Variants in C19orf12 observed in about 807,000 individuals in gnomAD.
The protein encoded by C19orf12 is chromosome 19 open reading frame 12.
A neutral mutation model predicts 3.8 loss-of-function variants in C19orf12; 2 were observed. The observed-to-expected ratio is 0.53, with a 90% CI of 0.22 to 1.66. The LOEUF (loss-of-function observed/expected upper bound fraction) is 1.66, where lower values mean the gene tolerates loss of function less well. Among genes scored for constraint, C19orf12 ranks in the 40% most tolerant of loss-of-function variants. C19orf12 has a pLI of 0.20. For synonymous variants in C19orf12, 89 were observed against 84.6 expected, an observed-to-expected ratio of 1.05 and a Z score of -0.28; for missense variants, 156 against 188.8, an observed-to-expected ratio of 0.83 and a Z score of 1.02.
At chr19:29,703,113 C>T (rs1972203194) in intron 2 of C19orf12, 136 bp from the exon 3 acceptor site, 1 of 1,160,640 alleles carries the variant, frequency 8.6e-7, no homozygotes, top group Non-Finnish European at 1.3e-6. Flanking sequence ...TCAGCCGGTG[C>T]CACGCCTGCT....
In C19orf12 at chr19:29,715,230, G is replaced by C; in HGVS notation, c.-116C>G. Reference sequence around the variant, plus strand: ...GCCCAGCTCCCCAGCCCCGCGGAGGGTCGCGCAGGCCTTGGTGGCGGCCCC... The same window carrying C: ...GCCCAGCTCCCCAGCCCCGCGGAGGCTCGCGCAGGCCTTGGTGGCGGCCCC... On this transcript the variant is annotated 5_prime_UTR_variant, in exon 1 of 3. Coordinates refer to ENST00000323670, the MANE Select transcript of C19orf12 (RefSeq NM_031448.6). 2.3e-6 allele frequency: 1 copy of C among 433,276 alleles called. No homozygotes were observed. Among genetic ancestry groups the C allele is most frequent in the Admixed American group, 3.7e-5 (1 of 27,066 alleles). 26.8% of individuals were successfully genotyped at this position (433,276 alleles called of 1,614,324 possible). A position where few individuals can be genotyped will look rare whatever the true frequency, so the allele number is the denominator to read the frequency against.
In C19orf12 at chr19:29,708,376, C is replaced by T; in HGVS notation, c.38G>A (p.Cys13Tyr). The change falls in exon 2 of 3, where the codon TGC becomes TAC. Residue 13 changes from cysteine (C) to tyrosine (Y), a missense_variant. Coordinates refer to ENST00000323670, the MANE Select transcript of C19orf12 (RefSeq NM_031448.6). The stretch of plus-strand genomic sequence containing the variant: ...CATCTTCCTCTCCCCAGAAAGGGAG[C>T]ACAGCAGCTTCATGATGTCCTCCAC... ...IMVEDIMKLLCSLSGERKMKA... is the reference protein window; with the variant it reads ...IMVEDIMKLLYSLSGERKMKA... 5.0e-6 allele frequency: 8 copies of T among 1,614,154 alleles called. No individual in the cohort carries two copies. Among genetic ancestry groups the T allele is most frequent in the Non-Finnish European group, 6.8e-6 (8 of 1,180,034 alleles).
At chr19:29,715,013 G>T (rs756299196) in intron 1 of C19orf12, 112 bp downstream of exon 1, 3 of 707,658 alleles carry the variant, frequency 4.2e-6, no homozygotes, top group Non-Finnish European at 7.9e-6. Context: ...GCAGGGCGGG[G>T]ACCCTCTCCC....
chr19:29,709,871 T>C (rs1013291538), intron 1 of C19orf12, among the ~76,000 whole-genome samples: 3 of 151,918 alleles, frequency 2.0e-5, no homozygotes, highest in Non-Finnish European at 4.4e-5. Context: ...TTTTTTTGTT[T>C]TGTTTGTTCG....
intron 2 of C19orf12, among the ~76,000 whole-genome samples, chr19:29,705,918 C>A (rs533819399): frequency 3.3e-4 from 51 of 152,332 alleles, no homozygotes; most frequent in Admixed American, 1.8e-3. Flanking sequence ...ATCTTCACGA[C>A]TTCTCTGTAA....
intron 1 of C19orf12, among the ~76,000 whole-genome samples, chr19:29,712,727 T>C (rs2145654113): frequency 6.6e-6 from 1 of 152,324 alleles, no homozygotes; most frequent in African/African-American, 2.4e-5. Context: ...GACCCCTCTC[T>C]GATCCAGAGA....
chr19:29,710,824 C>A (rs1190343673), intron 1 of C19orf12, among the ~76,000 whole-genome samples: 1 of 152,142 alleles, frequency 6.6e-6, no homozygotes, highest in African/African-American at 2.4e-5. Flanking sequence ...CAGAAGAGAA[C>A]CCCCTTCCAC....
Position 29,701,857 on chromosome 19 carries a change from C to T in C19orf12, c.*855G>A, listed in dbSNP as rs921040306. 17 of 453,992 alleles carry T rather than the reference C, an allele frequency of 3.7e-5. No individual in the cohort carries two copies. The highest frequency in any genetic ancestry group is 2.6e-4 in the African/African-American group (13 of 50,006). The allele number at this position is 453,992 out of a possible 1,614,324, so 28.1% of individuals were successfully genotyped here. A position where few individuals can be genotyped will look rare whatever the true frequency, so the allele number is the denominator to read the frequency against. ...ATTTGTTAGACATAATGCTATTGCACATTTAGTGGACTGCAATATGCAGTA... is the reference window on the plus strand; with the variant it reads ...ATTTGTTAGACATAATGCTATTGCATATTTAGTGGACTGCAATATGCAGTA... On this transcript the variant is annotated 3_prime_UTR_variant, in exon 3 of 3. Transcript: ENST00000323670.
At position 29,701,684 on chromosome 19, in the gene C19orf12, A is replaced by AAT. The variant is rs1251406619; in HGVS notation, c.*1026_*1027dup. On this transcript the variant is annotated 3_prime_UTR_variant, in exon 3 of 3. Transcript: ENST00000323670. ...ATACCTCATTCTACTATGCTTTGTG[A>AAT]ATACTGTGTTTTTTTTTTAAATTGA... is the stretch of plus-strand genomic sequence containing the variant. 4.6e-5 allele frequency: 21 copies of AAT among 452,874 alleles called. No individual in the cohort carries two copies. The East Asian group carries it at 1.4e-3, about 30-fold the overall frequency. The allele number at this position is 452,874 out of a possible 1,614,324, so 28.1% of individuals were successfully genotyped here.
chr19:29,714,148 G>A (rs552785149), intron 1 of C19orf12, among the ~76,000 whole-genome samples: 2 of 151,966 alleles, frequency 1.3e-5, no homozygotes, highest in Admixed American at 6.6e-5. Context: ...TCGGCCTCCC[G>A]AGTAGCTGGA....
Position 29,715,171 on chromosome 19 carries a change from C to A in C19orf12, c.-57G>T. On this transcript the variant is annotated 5_prime_UTR_variant, in exon 1 of 3. Transcript: ENST00000323670. ...CGGCGCGCTCGGCGATCAGACGCGG[C>A]TGCAGCCCGGGCCTGGCAGGCCCCG... 1 of 552,292 alleles carries A rather than the reference C, an allele frequency of 1.8e-6. No individual in the cohort carries two copies. The highest frequency in any genetic ancestry group is 1.8e-5 in the South Asian group (1 of 55,076). 34.2% of individuals were successfully genotyped at this position (552,292 alleles called of 1,614,324 possible).
intron 2 of C19orf12, 125 bp from the exon 3 acceptor site, chr19:29,703,102 C>A: frequency 7.6e-7 from 1 of 1,316,500 alleles, no homozygotes; most frequent in Non-Finnish European, 1.1e-6. Context: ...CTGCAGCGGG[C>A]TCAGCCGGTG....
chr19:29,705,402 C>CAAAG (rs1972321246), intron 2 of C19orf12: 1 of 105,334 alleles, frequency 9.5e-6, no homozygotes, highest in Non-Finnish European at 1.9e-5. Flanking sequence ...ATCCTGAAAC[C>CAAAG]AAAAAAAAAA....
Position 29,699,741 on chromosome 19 carries a change from G to C in C19orf12, c.*2971C>G, listed in dbSNP as rs952021115. 1 of 453,902 alleles carries C rather than the reference G, an allele frequency of 2.2e-6. No homozygotes were observed. The highest frequency in any genetic ancestry group is 6.9e-5 in the East Asian group (1 of 14,396). The allele number at this position is 453,902 out of a possible 1,614,324, so 28.1% of individuals were successfully genotyped here. A position where few individuals can be genotyped will look rare whatever the true frequency, so the allele number is the denominator to read the frequency against. Reference sequence around the variant, plus strand: ...AAATTGGTAACAGTGGCTGCCTCTGGGGTCGGCATAGGAGCAGGCCTTCCC... The same window carrying C: ...AAATTGGTAACAGTGGCTGCCTCTGCGGTCGGCATAGGAGCAGGCCTTCCC... On this transcript the variant is annotated 3_prime_UTR_variant, in exon 3 of 3. Transcript: ENST00000323670.
At position 29,700,289 on chromosome 19, in the gene C19orf12, A is replaced by T. The variant is rs1972015657; in HGVS notation, c.*2423T>A. On this transcript the variant is annotated 3_prime_UTR_variant, in exon 3 of 3. Coordinates refer to ENST00000323670, the MANE Select transcript of C19orf12 (RefSeq NM_031448.6). ...GATTGTTCCAGAAGGATTTGCTGTAAGCAACCGGAGAAGTTGGCATTTGTT... is the reference window on the plus strand; with the variant it reads ...GATTGTTCCAGAAGGATTTGCTGTATGCAACCGGAGAAGTTGGCATTTGTT... The T allele has an allele frequency of 6.6e-6, 3 of 454,034 alleles. No homozygotes were observed. The highest frequency in any genetic ancestry group is 1.3e-5 in the Non-Finnish European group (3 of 226,800). 28.1% of individuals were successfully genotyped at this position (454,034 alleles called of 1,614,324 possible).
At chr19:29,706,196 T>C (rs534531477) in intron 2 of C19orf12, among the ~76,000 whole-genome samples, 3 of 152,322 alleles carry the variant, frequency 2.0e-5, no homozygotes, top group Admixed American at 2.0e-4. Flanking sequence ...AACCAGCTAA[T>C]TTACAAGTTT....
Position 29,712,790 on chromosome 19 carries a change from T to C in C19orf12, c.-11+2335A>G, listed in dbSNP as rs530657966. 2.0e-5 allele frequency among the ~76,000 whole-genome samples: 3 copies of C among 152,318 alleles called. 1 individual carries two copies. Among genetic ancestry groups the C allele is most frequent in the African/African-American group, 7.2e-5 (3 of 41,566 alleles). On this transcript the variant is annotated intron_variant, in intron 1 of 2. Transcript: ENST00000323670. ...CTGCTCTAACCTACCCTCTGGAGTGTCTGCGTCCTTGATTTCCTTGGCCAT... is the reference window on the plus strand; with the variant it reads ...CTGCTCTAACCTACCCTCTGGAGTGCCTGCGTCCTTGATTTCCTTGGCCAT...
upstream of C19orf12, chr19:29,715,291 G>C (rs1439455680): frequency 5.0e-6 from 2 of 399,984 alleles, no homozygotes; most frequent in Non-Finnish European, 9.8e-6. Context: ...CCTTCCGGCT[G>C]CGCCGGGCCT....
chr19:29,710,724 C>A (rs1030062621), intron 1 of C19orf12, among the ~76,000 whole-genome samples: 3 of 152,298 alleles, frequency 2.0e-5, no homozygotes, highest in African/African-American at 7.2e-5. Flanking sequence ...CTACCCTGTG[C>A]CCTGGGTCTC....
Sources: gnomAD v4.1 joint callset for allele counts (sites outside exome capture counted in the v4.1 genomes callset) on GRCh38, gnomAD v4.1.1 for gene constraint, MANE v1.5 for transcripts, NCBI Gene and HGNC (gene_info 2026-07-23, HGNC 2026-07-21) for gene names.